Variants in ADGRV1 observed in about 807,000 individuals in gnomAD.
ADGRV1 encodes the protein adhesion G protein-coupled receptor V1, also known as G-protein coupled receptor 98.
ADGRV1 carries 359 observed loss-of-function variants against 596.2 expected under a neutral mutation model. That is an observed-to-expected ratio of 0.60 (90% confidence interval 0.55 to 0.66). The LOEUF (loss-of-function observed/expected upper bound fraction) is 0.66. Ranked by LOEUF, ADGRV1 falls within the 30% of genes least tolerant of loss-of-function variation. The pLI, the probability that ADGRV1 is intolerant of heterozygous loss-of-function variation, is 0.00. For synonymous variants in ADGRV1, 2,681 were observed against 2,679.2 expected, an observed-to-expected ratio of 1.00 and a Z score of -0.02; for missense variants, 7,274 against 7,575.6, an observed-to-expected ratio of 0.96 and a Z score of 1.48.
chr5:90,774,359 A>G, intron 60 of ADGRV1, 56 bp downstream of exon 60: 1 of 995,668 alleles, frequency 1.0e-6, no homozygotes, highest in Admixed American at 1.9e-5. Context: ...AAAAAATGTA[A>G]TAAAAATAAC....
intron 47 of ADGRV1, 61 bp from the exon 48 acceptor site, chr5:90,725,488 G>A: frequency 1.1e-6 from 1 of 926,982 alleles, no homozygotes; most frequent in Non-Finnish European, 1.8e-6. Context: ...CTATTAGTGT[G>A]TTCAGTGGCT....
At position 90,645,961 on chromosome 5, in the gene ADGRV1, T is replaced by G. The variant is rs768560465; in HGVS notation, c.2899-7T>G. On this transcript the variant is annotated splice_polypyrimidine_tract_variant and splice_region_variant and intron_variant, in intron 15 of 89. Coordinates refer to ENST00000405460, the MANE Select transcript of ADGRV1 (RefSeq NM_032119.4). ...ACCTGACTTAAAACGTGTAACATTTTCCAAAGATTCCAGAAGAAATGGAAG... is the reference window on the plus strand; with the variant it reads ...ACCTGACTTAAAACGTGTAACATTTGCCAAAGATTCCAGAAGAAATGGAAG... 3 of 1,580,758 alleles carry G rather than the reference T, an allele frequency of 1.9e-6. No individual in the cohort carries two copies. The highest frequency in any genetic ancestry group is 2.6e-6 in the Non-Finnish European group (3 of 1,163,306).
intron 11 of ADGRV1, among the ~76,000 whole-genome samples, chr5:90,641,129 A>G (rs903985370): frequency 3.9e-5 from 6 of 152,202 alleles, no homozygotes; most frequent in African/African-American, 1.4e-4. Context: ...AATTAGTGTA[A>G]TGACATTTAG....
intron 82 of ADGRV1, among the ~76,000 whole-genome samples, chr5:90,861,157 A>G (rs951779109): frequency 1.5e-4 from 23 of 152,180 alleles, no homozygotes; most frequent in Non-Finnish European, 2.5e-4. Context: ...AGGAAAAAAA[A>G]GAAAAGGCAA....
intron 1 of ADGRV1, among the ~76,000 whole-genome samples, chr5:90,563,783 GT>G (rs763961221): frequency 6.6e-6 from 1 of 152,200 alleles, no homozygotes; most frequent in Non-Finnish European, 1.5e-5. Flanking sequence ...GGAAATAAAG[GT>G]TTTGTACTGT....
At chr5:90,569,381 ATATATATTTTTTTTTTTT>A (rs1325475780) in intron 1 of ADGRV1, among the ~76,000 whole-genome samples, 64 of 19,400 alleles carry the variant, frequency 3.3e-3, no homozygotes, top group African/African-American at 0.015. Flanking sequence ...ATATATATAT[ATATATATTTTTTTTTTTT>A]TTTTTTTTTT....
chr5:91,007,771 TTTA>T (rs1298213303), intron 85 of ADGRV1, among the ~76,000 whole-genome samples: 1 of 152,154 alleles, frequency 6.6e-6, no homozygotes, highest in Non-Finnish European at 1.5e-5. Flanking sequence ...CAGTGGGCCT[TTTA>T]AAGCTGCAAC....
At chr5:90,969,482 G>T (rs1460010270) in intron 84 of ADGRV1, among the ~76,000 whole-genome samples, 2 of 152,202 alleles carry the variant, frequency 1.3e-5, no homozygotes, top group Non-Finnish European at 2.9e-5. Context: ...CCTTATTAAA[G>T]TAGATGCATG....
At chr5:90,722,817 G>A (rs1443514434) in intron 45 of ADGRV1, among the ~76,000 whole-genome samples, 3 of 146,572 alleles carry the variant, frequency 2.0e-5, no homozygotes, top group Non-Finnish European at 4.5e-5. Flanking sequence ...TTGAAGTCAT[G>A]GAAATTGATG....
chr5:90,830,285 C>A (rs555122427), intron 77 of ADGRV1, among the ~76,000 whole-genome samples: 1 of 152,234 alleles, frequency 6.6e-6, no homozygotes, highest in Non-Finnish European at 1.5e-5. Context: ...GAAATAAAGT[C>A]TATTCTAAAT....
At chr5:90,697,285 T>C in intron 34 of ADGRV1, 139 bp downstream of exon 34, 1 of 741,826 alleles carries the variant, frequency 1.3e-6, no homozygotes, top group Non-Finnish European at 2.1e-6. Flanking sequence ...TAGAACTTCT[T>C]TGGGAGAAGG....
intron 83 of ADGRV1, among the ~76,000 whole-genome samples, chr5:90,904,556 G>A (rs1056957913): frequency 1.3e-5 from 2 of 151,974 alleles, no homozygotes; most frequent in Non-Finnish European, 2.9e-5. Flanking sequence ...CCATTCGTTT[G>A]TCTTCTTTGA....
intron 83 of ADGRV1, among the ~76,000 whole-genome samples, chr5:90,884,102 T>C (rs947821339): frequency 3.9e-5 from 6 of 152,190 alleles, no homozygotes; most frequent in Non-Finnish European, 8.8e-5. Context: ...TTTATGGCCT[T>C]AGACTAGGAT....
intron 1 of ADGRV1, among the ~76,000 whole-genome samples, chr5:90,595,715 C>T (rs1170524011): frequency 7.3e-6 from 1 of 136,550 alleles, no homozygotes; most frequent in Non-Finnish European, 1.6e-5. Context: ...AGAGGGGCTC[C>T]TCACTTCCCA....
chr5:91,106,432 G>A, intron 87 of ADGRV1, among the ~76,000 whole-genome samples: 1 of 152,098 alleles, frequency 6.6e-6, no homozygotes, highest in Middle Eastern at 3.2e-3. Context: ...GCTTAGGATT[G>A]CTTTAGTTAT....
chr5:91,112,700 C>G (rs1792479923), intron 87 of ADGRV1, among the ~76,000 whole-genome samples: 1 of 151,282 alleles, frequency 6.6e-6, no homozygotes, highest in African/African-American at 2.4e-5. Flanking sequence ...TAAAAAAAAA[C>G]TTTATATGAA....
intron 8 of ADGRV1, 25 bp downstream of exon 8, chr5:90,628,857 C>A: frequency 1.2e-6 from 2 of 1,601,940 alleles, no homozygotes; most frequent in South Asian, 2.2e-5. Context: ...ATGCTTTATG[C>A]TTGTTAATAT....
At chr5:90,589,698 G>A (rs141978941) in intron 1 of ADGRV1, among the ~76,000 whole-genome samples, 450 of 152,306 alleles carry the variant, frequency 3.0e-3, no homozygotes, top group African/African-American at 9.9e-3. Flanking sequence ...AGCCCTGGGT[G>A]TTTATACCCA....
chr5:91,087,053 C>G (rs1789937904), intron 86 of ADGRV1, among the ~76,000 whole-genome samples: 2 of 152,192 alleles, frequency 1.3e-5, no homozygotes, highest in Admixed American at 6.5e-5. Flanking sequence ...TTATGCTGCT[C>G]TCACTGCCTT....
Sources: gnomAD v4.1 joint callset for allele counts (sites outside exome capture counted in the v4.1 genomes callset) on GRCh38, gnomAD v4.1.1 for gene constraint, MANE v1.5 for transcripts, NCBI Gene and HGNC (gene_info 2026-07-23, HGNC 2026-07-21) for gene names.